Variants in SCUBE1 observed in about 807,000 individuals in gnomAD.
SCUBE1 encodes signal peptide, CUB domain and EGF like domain containing 1.
A neutral mutation model predicts 124.4 loss-of-function variants in SCUBE1; 59 were observed. The observed-to-expected ratio is 0.47, with a 90% CI of 0.38 to 0.59. The LOEUF (loss-of-function observed/expected upper bound fraction) is 0.59, where lower values mean the gene tolerates loss of function less well. Among genes scored for constraint, SCUBE1 ranks in the 20% least tolerant of loss-of-function variants. SCUBE1 has a pLI of 0.00. For synonymous variants in SCUBE1, 545 were observed against 550.9 expected (o/e 0.99, Z 0.15); for missense variants, 1,150 against 1,371.2 (o/e 0.84, Z 2.55).
intron 7 of SCUBE1, chr22:43,238,097 T>G (rs1922843450): frequency 1.3e-5 from 2 of 152,432 alleles, no homozygotes; most frequent in African/African-American, 4.8e-5. Flanking sequence ...GGGCTTCCTG[T>G]TTCCTGAGGG....
At chr22:43,290,588 G>A (rs1263587570) in intron 4 of SCUBE1, among the ~76,000 whole-genome samples, 2 of 151,976 alleles carry the variant, frequency 1.3e-5, no homozygotes, top group East Asian at 1.9e-4. Flanking sequence ...GCAGGCGCCC[G>A]ACCACAAGGA....
At chr22:43,329,691 A>C (rs533451695) in intron 2 of SCUBE1, among the ~76,000 whole-genome samples, 2 of 152,304 alleles carry the variant, frequency 1.3e-5, no homozygotes, top group African/African-American at 4.8e-5. Flanking sequence ...CTTTCTAGCC[A>C]GAGGCTGCAG....
intron 20 of SCUBE1, 64 bp downstream of exon 20, chr22:43,208,008 T>A: frequency 1.3e-6 from 2 of 1,578,572 alleles, no homozygotes; most frequent in African/African-American, 1.3e-5. Context: ...GTGCGACTCA[T>A]CTCTGTGTCT....
At chr22:43,287,396 A>G (rs1339466773) in intron 4 of SCUBE1, among the ~76,000 whole-genome samples, 6 of 152,242 alleles carry the variant, frequency 3.9e-5, no homozygotes, top group African/African-American at 7.2e-5. Context: ...ACAGCTGAAA[A>G]GGCCCAAGGA....
intron 4 of SCUBE1, among the ~76,000 whole-genome samples, chr22:43,284,758 G>A (rs925498635): frequency 4.7e-5 from 7 of 149,596 alleles, no homozygotes; most frequent in Non-Finnish European, 1.0e-4. Flanking sequence ...AATCATCATC[G>A]TCATCGTCGT....
chr22:43,286,003 G>T (rs1253563639), intron 4 of SCUBE1, among the ~76,000 whole-genome samples: 1 of 152,166 alleles, frequency 6.6e-6, no homozygotes, highest in Admixed American at 6.5e-5. Context: ...GAATGAACAG[G>T]CTCCTGTGCA....
rs1463130911 is a variant in SCUBE1 at position 43,246,661 on chromosome 22, A to G, written c.728-7707T>C. ...TTGCAGGTTGCCGGGAACATTGAACATGTCTGGTTATACATACAGCTCAGC... is the reference window on the plus strand; with the variant it reads ...TTGCAGGTTGCCGGGAACATTGAACGTGTCTGGTTATACATACAGCTCAGC... On this transcript the variant is annotated intron_variant, in intron 6 of 21. Transcript: ENST00000360835. Among the ~76,000 whole-genome samples, 3 of 152,346 alleles carry G rather than the reference A, an allele frequency of 2.0e-5. No individual in the cohort carries two copies. In the South Asian group the frequency reaches 6.2e-4, roughly 32 times the overall value.
At chr22:43,294,527 C>T (rs936873688) in intron 3 of SCUBE1, among the ~76,000 whole-genome samples, 4 of 152,220 alleles carry the variant, frequency 2.6e-5, no homozygotes, top group African/African-American at 9.6e-5. Flanking sequence ...CATGGTCCCC[C>T]AGCATTTGGC....
intron 7 of SCUBE1, chr22:43,237,559 C>T (rs1327195763): frequency 6.6e-6 from 1 of 152,242 alleles, no homozygotes; most frequent in East Asian, 1.9e-4. Context: ...CGCACCAAGG[C>T]TATTAACAGG....
At chr22:43,274,126 G>A (rs192110359) in intron 4 of SCUBE1, among the ~76,000 whole-genome samples, 266 of 152,266 alleles carry the variant, frequency 1.7e-3, no homozygotes, top group African/African-American at 6.1e-3. Flanking sequence ...CTGAGGTCTT[G>A]CACCAGAGAA....
rs760789989 is a variant in SCUBE1 at position 43,238,922 on chromosome 22, G to A, written c.760C>T (p.Arg254Trp). Residue 254 changes from arginine to tryptophan, a missense_variant, in exon 7 of 22, where the codon CGG becomes TGG. Arg to Trp is a moderately radical substitution (Grantham distance 101). Around this residue, in one of 3 missense-constraint regions of SCUBE1, gnomAD observed 337 missense variants for 482.1 expected, o/e 0.70. Transcript: ENST00000360835. ...TCAVNNGGCD[R>W]TCKDTATGVR... is the part of the protein sequence containing the mutation. ...CCAGTGGCTGTGTCCTTGCATGTCC[G>A]GTCGCAGCCTCCGTTATTGACTGCG... 5.6e-6 allele frequency: 9 copies of A among 1,613,060 alleles called. No individual in the cohort carries two copies. Among genetic ancestry groups the A allele is most frequent in the African/African-American group, 1.3e-5 (1 of 75,058 alleles).
chr22:43,255,604 G>C lies in SCUBE1; in HGVS notation c.727+2615C>G. On this transcript the variant is annotated intron_variant, in intron 6 of 21. Transcript: ENST00000360835. The surrounding 1 kb of genome is among the most constrained non-coding windows in gnomAD (Gnocchi z 4.7). ...TAAAACACAAGTAAGGGACAAACAC[G>C]GAGCCAGTGGTTAATGACAGCCCAC... The C allele has an allele frequency of 6.5e-7, 1 of 1,537,700 alleles. No individual in the cohort carries two copies. Among genetic ancestry groups the C allele is most frequent in the South Asian group, 1.2e-5 (1 of 83,834 alleles).
intron 4 of SCUBE1, among the ~76,000 whole-genome samples, chr22:43,290,226 T>C (rs1390042111): frequency 3.9e-5 from 6 of 152,052 alleles, no homozygotes; most frequent in Non-Finnish European, 8.8e-5. Context: ...TCCAAGCACA[T>C]GTGTCCTGGC....
intron 7 of SCUBE1, among the ~76,000 whole-genome samples, chr22:43,235,181 G>A (rs1465258639): frequency 6.6e-6 from 1 of 152,236 alleles, no homozygotes; most frequent in East Asian, 1.9e-4. Flanking sequence ...CAATGGAGCG[G>A]GTCTGAGGGT....
intron 4 of SCUBE1, among the ~76,000 whole-genome samples, chr22:43,265,267 G>T (rs544079230): frequency 2.6e-5 from 4 of 152,240 alleles, no homozygotes; most frequent in African/African-American, 9.6e-5. Context: ...CTTTAACACT[G>T]AGCCAAGATG....
chr22:43,210,223 C>T lies in SCUBE1; in HGVS notation c.2401G>A (p.Glu801Lys), dbSNP rs557834517. ...THCKNQHCGG[E>K]LGDYTGYIES... ...ATGTAGCCGGTGTAGTCACCAAGCT[C>T]GCCGCCGCAGTGCTGGTCTGTGGGC... Residue 801 changes from glutamate (E) to lysine (K), a missense_variant, in exon 19 of 22, where the codon GAG (glutamate) becomes AAG (lysine). This residue lies in a region of SCUBE1 where 757 missense variants were observed against 840.9 expected (regional missense o/e 0.90). Transcript: ENST00000360835. This position sits in a 1 kb window ranked among gnomAD's most constrained non-coding sequence, Gnocchi z 4.5. The T allele has an allele frequency of 6.3e-5, 98 of 1,561,180 alleles. 1 individual carries two copies. The South Asian group carries it at 6.6e-4, about 10-fold the overall frequency.
intron 6 of SCUBE1, among the ~76,000 whole-genome samples, chr22:43,257,627 C>T (rs1423603155): frequency 1.3e-5 from 2 of 152,152 alleles, no homozygotes; most frequent in East Asian, 1.9e-4. Flanking sequence ...CCAGCAGGGG[C>T]CCAGCAGCTT....
At chr22:43,251,279 T>C (rs551480795) in intron 6 of SCUBE1, among the ~76,000 whole-genome samples, 3 of 152,322 alleles carry the variant, frequency 2.0e-5, no homozygotes, top group African/African-American at 7.2e-5. Context: ...AGGAGGCTCA[T>C]GGTCCTGGGG....
At chr22:43,275,733 G>A (rs984969517) in intron 4 of SCUBE1, among the ~76,000 whole-genome samples, 1 of 152,232 alleles carries the variant, frequency 6.6e-6, no homozygotes. Context: ...GACACATACC[G>A]AGGTTGTAAT....
Sources: allele counts gnomAD v4.1 joint callset (sites outside exome capture counted in the v4.1 genomes callset), GRCh38; gene constraint gnomAD v4.1.1; regional missense constraint gnomAD v4.1.1; non-coding constraint Gnocchi (gnomAD v3.1); transcripts MANE v1.5; gene names NCBI Gene and HGNC (gene_info 2026-07-23, HGNC 2026-07-21).